CDH13: variants seen among roughly 807,000 people sequenced by gnomAD.
CDH13 encodes the protein cadherin-13.
Under a neutral mutation model 63.8 loss-of-function variants are expected in CDH13, and 24 were observed. The observed-to-expected ratio is 0.38, with a 90% CI of 0.27 to 0.53. The LOEUF (loss-of-function observed/expected upper bound fraction) is 0.53. Among genes scored for constraint, CDH13 ranks in the 20% least tolerant of loss-of-function variants. The probability of loss-of-function intolerance (pLI) is 0.85; values close to 1 mark genes in which losing one functional copy is unlikely to be tolerated. For synonymous variants in CDH13, 503 were observed against 355.3 expected, an observed-to-expected ratio of 1.42 and a Z score of -4.67; for missense variants, 1,049 against 903.1, an observed-to-expected ratio of 1.16 and a Z score of -2.07.
chr16:82,724,433 T>C (rs890244718), intron 1 of CDH13, among the ~76,000 whole-genome samples: 9 of 152,216 alleles, frequency 5.9e-5, no homozygotes, highest in African/African-American at 1.9e-4. Flanking sequence ...GCAGGTGCCA[T>C]GATTATCACT....
intron 7 of CDH13, among the ~76,000 whole-genome samples, chr16:83,489,766 G>C (rs946017308): frequency 6.6e-6 from 1 of 152,166 alleles, no homozygotes; most frequent in South Asian, 2.1e-4. Context: ...CTTAGGTGTG[G>C]TTTTAAAGTC....
chr16:83,647,659 C>T (rs1027614268), intron 8 of CDH13, among the ~76,000 whole-genome samples: 2 of 152,156 alleles, frequency 1.3e-5, no homozygotes, highest in African/African-American at 4.8e-5. Flanking sequence ...CAGATTTTTC[C>T]ATATTCGGGG....
intron 4 of CDH13, chr16:83,180,765 A>G (rs1199209694): frequency 1.3e-6 from 1 of 786,522 alleles, no homozygotes; most frequent in African/African-American, 1.8e-5. Context: ...ATGTTCTTTA[A>G]GACAAACAAA....
At chr16:83,228,200 T>G (rs1170873926) in intron 5 of CDH13, among the ~76,000 whole-genome samples, 1 of 152,198 alleles carries the variant, frequency 6.6e-6, no homozygotes, top group African/African-American at 2.4e-5. Context: ...TGGCAGTGTC[T>G]GCATATGTTT....
chr16:83,734,844 G>A (rs1911385667), intron 10 of CDH13, among the ~76,000 whole-genome samples: 1 of 151,784 alleles, frequency 6.6e-6, no homozygotes, highest in Non-Finnish European at 1.5e-5. Flanking sequence ...GAGGGGTCTG[G>A]CTCCTCATTA....
intron 2 of CDH13, among the ~76,000 whole-genome samples, chr16:83,030,410 G>A (rs557615086): frequency 4.0e-4 from 61 of 152,154 alleles, no homozygotes; most frequent in African/African-American, 1.2e-3. Context: ...TGTAATCCCA[G>A]TTCTTTGGGA....
At position 82,762,742 on chromosome 16, in the gene CDH13, CCTG is replaced by C. The variant is rs1357909124; in HGVS notation, c.46-95616_46-95614del. Among the ~76,000 whole-genome samples the C allele has an allele frequency of 3.9e-5, 6 of 152,150 alleles. No individual in the cohort carries two copies. In the East Asian group the frequency reaches 1.2e-3, roughly 29 times the overall value. On this transcript the variant is annotated intron_variant, in intron 1 of 13. Transcript: ENST00000567109. ...AAAACTTGGGTGCCAAAAGCAAAGA[CCTG>C]CTGTGTTGGAGAAAGAGGAAGAGAA...
chr16:82,694,651 C>T (rs781473027), intron 1 of CDH13, among the ~76,000 whole-genome samples: 6 of 152,118 alleles, frequency 3.9e-5, no homozygotes, highest in Non-Finnish European at 7.4e-5. Context: ...CTTCATGTTA[C>T]CAAAATATTT....
chr16:83,455,036 A>C (rs2072984667), intron 6 of CDH13, among the ~76,000 whole-genome samples: 2 of 152,188 alleles, frequency 1.3e-5, no homozygotes, highest in African/African-American at 2.4e-5. Flanking sequence ...TGAATACTTC[A>C]GCTTATTTAA....
intron 1 of CDH13, among the ~76,000 whole-genome samples, chr16:82,667,963 C>T (rs1185752167): frequency 6.6e-6 from 1 of 152,136 alleles, no homozygotes; most frequent in East Asian, 1.9e-4. Flanking sequence ...CTAATATTAA[C>T]ACAGGTTCTC....
intron 2 of CDH13, among the ~76,000 whole-genome samples, chr16:82,991,023 A>T (rs541860623): frequency 3.8e-4 from 58 of 152,320 alleles, no homozygotes; most frequent in African/African-American, 1.4e-3. Context: ...GGTGCCTACC[A>T]GAGATAGGGC....
At chr16:83,309,663 C>T (rs1311587487) in intron 5 of CDH13, among the ~76,000 whole-genome samples, 1 of 152,254 alleles carries the variant, frequency 6.6e-6, no homozygotes, top group Non-Finnish European at 1.5e-5. Flanking sequence ...GCGTGAGCCG[C>T]CACGCCCAGC....
At position 83,085,862 on chromosome 16, in the gene CDH13, G is replaced by T. The variant is rs189988886; in HGVS notation, c.367-39523G>T. Among the ~76,000 whole-genome samples the T allele has an allele frequency of 2.7e-3, 404 of 152,282 alleles. 2 individuals carry two copies. The highest frequency in any genetic ancestry group is 0.02 in the Middle Eastern group (6 of 294). ...GAATAGTCATTATATTTGGCATTTT[G>T]CCAGAGTAAACAAAGAACCCTTAAT... On this transcript the variant is annotated intron_variant, in intron 3 of 13. Coordinates refer to ENST00000567109, the MANE Select transcript of CDH13 (RefSeq NM_001257.5).
intron 6 of CDH13, among the ~76,000 whole-genome samples, chr16:83,423,851 G>C (rs2071796189): frequency 6.6e-6 from 1 of 152,230 alleles, no homozygotes. Context: ...TGCCAGAGTT[G>C]TGGGGAAAGA....
At chr16:83,442,943 T>C (rs1361071372) in intron 6 of CDH13, among the ~76,000 whole-genome samples, 1 of 152,250 alleles carries the variant, frequency 6.6e-6, no homozygotes, top group Non-Finnish European at 1.5e-5. Flanking sequence ...CAGGGACTTA[T>C]TTTAAGATCA....
At chr16:82,630,076 G>T (rs1370121434) in intron 1 of CDH13, among the ~76,000 whole-genome samples, 1 of 152,140 alleles carries the variant, frequency 6.6e-6, no homozygotes, top group East Asian at 1.9e-4. Context: ...GTTCTCTCTA[G>T]GGGTCAGAGT....
At position 83,707,408 on chromosome 16, in the gene CDH13, A is replaced by G. The variant is rs369166240; in HGVS notation, c.1538+28947A>G. ...CTTTATCCAAACATTTCCAAACACC[A>G]GGCACCTTCATCTCCTGTAACCTAT... is the stretch of plus-strand genomic sequence containing the variant. On this transcript the variant is annotated intron_variant, in intron 10 of 13. Transcript: ENST00000567109. Among the ~76,000 whole-genome samples the G allele has an allele frequency of 7.8e-4, 118 of 152,230 alleles. 4 individuals are homozygous for G. The South Asian group carries it at 0.024, about 31-fold the overall frequency.
intron 4 of CDH13, among the ~76,000 whole-genome samples, chr16:83,216,794 A>C (rs1032998657): frequency 4.0e-5 from 6 of 150,664 alleles, no homozygotes; most frequent in Admixed American, 6.7e-5. Context: ...AGCCCCCTAA[A>C]TAGATGTGTG....
chr16:82,777,550 C>G (rs891789903), intron 1 of CDH13, among the ~76,000 whole-genome samples: 3 of 152,198 alleles, frequency 2.0e-5, no homozygotes, highest in African/African-American at 4.8e-5. Flanking sequence ...GTACCATCGT[C>G]TATAATATAT....
Sources: allele counts gnomAD v4.1 joint callset (sites outside exome capture counted in the v4.1 genomes callset), GRCh38; gene constraint gnomAD v4.1.1; transcripts MANE v1.5; gene names NCBI Gene and HGNC (gene_info 2026-07-23, HGNC 2026-07-21).